The following CD38 variants were observed in gnomAD, a reference collection of about 807,000 sequenced individuals.
CD38 encodes the protein ADP-ribosyl cyclase/cyclic ADP-ribose hydrolase 1.
Under a neutral mutation model 36.3 loss-of-function variants are expected in CD38, and 31 were observed. The ratio of observed to expected loss-of-function variants is 0.85; its 90% CI spans 0.64 to 1.15. The LOEUF is 1.15. Among genes scored for constraint, CD38 ranks in the 50% most tolerant of loss-of-function variants. CD38 has a pLI of 0.00. For missense variants in CD38, 380 were observed against 371.9 expected (o/e 1.02, Z -0.18); for synonymous variants, 131 against 135.2 (o/e 0.97, Z 0.22).
At chr4:15,834,386 T>G in intron 4 of CD38, 84 bp downstream of exon 4, 1 of 814,830 alleles carries the variant, frequency 1.2e-6, no homozygotes. Context: ...TTTTAACACT[T>G]TTGGATTACA....
At chr4:15,804,035 AT>A (rs1385110861) in intron 1 of CD38, among the ~76,000 whole-genome samples, 2 of 152,000 alleles carry the variant, frequency 1.3e-5, no homozygotes, top group Admixed American at 1.3e-4. Context: ...ATACCACCAC[AT>A]TTTCTTTATC....
At chr4:15,805,245 G>A (rs1723315878) in intron 1 of CD38, among the ~76,000 whole-genome samples, 1 of 151,994 alleles carries the variant, frequency 6.6e-6, no homozygotes, top group African/African-American at 2.4e-5. Context: ...AAAAAATCTA[G>A]TTAAGGTCCA....
intron 1 of CD38, among the ~76,000 whole-genome samples, chr4:15,785,674 T>A (rs924006650): frequency 6.6e-6 from 1 of 152,226 alleles, no homozygotes; most frequent in African/African-American, 2.4e-5. Flanking sequence ...AATCAATGTT[T>A]ACAGGTTGCC....
At chr4:15,830,344 T>C (rs1723934100) in intron 3 of CD38, among the ~76,000 whole-genome samples, 1 of 152,234 alleles carries the variant, frequency 6.6e-6, no homozygotes, top group Non-Finnish European at 1.5e-5. Flanking sequence ...TGATGGTCAA[T>C]GATTTGAACA....
intron 1 of CD38, among the ~76,000 whole-genome samples, chr4:15,798,499 G>A (rs1209980740): frequency 2.0e-5 from 3 of 152,164 alleles, no homozygotes; most frequent in African/African-American, 7.2e-5. Flanking sequence ...GGCCAGAATT[G>A]GGCCACACGG....
At chr4:15,784,323 G>A (rs769576885) in intron 1 of CD38, among the ~76,000 whole-genome samples, 1 of 152,226 alleles carries the variant, frequency 6.6e-6, no homozygotes, top group Non-Finnish European at 1.5e-5. Context: ...TAGCATTTCA[G>A]GTCTTCCTTT....
At chr4:15,782,494 C>A (rs1722721055) in intron 1 of CD38, among the ~76,000 whole-genome samples, 2 of 152,178 alleles carry the variant, frequency 1.3e-5, no homozygotes, top group Admixed American at 1.3e-4. Context: ...TCTTCTTGAG[C>A]CTAGGGACTT....
chr4:15,813,557 A>G (rs749248819), intron 1 of CD38, among the ~76,000 whole-genome samples: 3 of 152,130 alleles, frequency 2.0e-5, no homozygotes, highest in Non-Finnish European at 4.4e-5. Context: ...TTTAAGCCCT[A>G]CATGCATTAG....
intron 1 of CD38, among the ~76,000 whole-genome samples, chr4:15,798,070 A>C (rs7436920): frequency 0.063 from 9,574 of 152,304 alleles, 330 homozygotes; most frequent in Non-Finnish European, 0.066. Flanking sequence ...TTTTAAACAA[A>C]TGTTTTATAG....
intron 4 of CD38, among the ~76,000 whole-genome samples, chr4:15,837,015 A>G (rs1724081321): frequency 6.6e-6 from 1 of 152,248 alleles, no homozygotes; most frequent in Non-Finnish European, 1.5e-5. Context: ...AGTACTTACT[A>G]TGGACAGTGA....
At chr4:15,809,828 T>C (rs966035900) in intron 1 of CD38, among the ~76,000 whole-genome samples, 1 of 152,204 alleles carries the variant, frequency 6.6e-6, no homozygotes, top group Admixed American at 6.5e-5. Flanking sequence ...ATTCCTTCTC[T>C]GCTCCTTCTT....
chr4:15,837,999 T>C, intron 4 of CD38, 93 bp from the exon 5 acceptor site: 1 of 994,534 alleles, frequency 1.0e-6, no homozygotes, highest in Middle Eastern at 2.1e-4. Context: ...TATCCTTCCT[T>C]AACCAGCTAT....
At chr4:15,800,685 T>C (rs1056501161) in intron 1 of CD38, among the ~76,000 whole-genome samples, 2 of 152,080 alleles carry the variant, frequency 1.3e-5, no homozygotes, top group Non-Finnish European at 2.9e-5. Flanking sequence ...GACCAATGGG[T>C]CAATGAAGAA....
At chr4:15,834,614 G>A (rs16892441) in intron 4 of CD38, among the ~76,000 whole-genome samples, 8,942 of 152,240 alleles carry the variant, frequency 0.059, 359 homozygotes, top group East Asian at 0.18. Flanking sequence ...AGATACCTGG[G>A]ACAGTCGTAA....
chr4:15,827,883 G>A (rs901297613), intron 3 of CD38, among the ~76,000 whole-genome samples: 1 of 151,942 alleles, frequency 6.6e-6, no homozygotes, highest in African/African-American at 2.4e-5. Flanking sequence ...AGTTCCTGAT[G>A]TATATGTATT....
chr4:15,790,322 G>A (rs1259191065), intron 1 of CD38, among the ~76,000 whole-genome samples: 1 of 151,334 alleles, frequency 6.6e-6, no homozygotes, highest in East Asian at 1.9e-4. Context: ...GCCTGCGCAC[G>A]CCGCCACGCC....
At chr4:15,785,281 G>A (rs1055173466) in intron 1 of CD38, among the ~76,000 whole-genome samples, 1 of 152,152 alleles carries the variant, frequency 6.6e-6, no homozygotes, top group Non-Finnish European at 1.5e-5. Flanking sequence ...ATACAGCCAG[G>A]GAATAGAATC....
At chr4:15,835,757 C>G (rs954513438) in intron 4 of CD38, among the ~76,000 whole-genome samples, 1 of 152,136 alleles carries the variant, frequency 6.6e-6, no homozygotes, top group African/African-American at 2.4e-5. Flanking sequence ...GGTGATCTAC[C>G]CACCTTGGCC....
At chr4:15,847,713 G>A (rs1397467139) in intron 7 of CD38, among the ~76,000 whole-genome samples, 1 of 150,172 alleles carries the variant, frequency 6.7e-6, no homozygotes, top group Non-Finnish European at 1.5e-5. Context: ...CAAAGACTGG[G>A]AAATAAAGAT....
Sources: gnomAD v4.1 joint callset for allele counts (sites outside exome capture counted in the v4.1 genomes callset) on GRCh38, gnomAD v4.1.1 for gene constraint, MANE v1.5 for transcripts, NCBI Gene and HGNC (gene_info 2026-07-23, HGNC 2026-07-21) for gene names.